Variants in SCAPER observed in about 807,000 individuals in gnomAD.
The protein encoded by SCAPER is S-phase cyclin A associated protein in the ER.
In SCAPER, 98 loss-of-function variants were observed where a neutral mutation model predicts 182.2. The ratio of observed to expected loss-of-function variants is 0.54; its 90% CI spans 0.46 to 0.64. The LOEUF is 0.64. Among genes scored for constraint, SCAPER ranks in the 30% least tolerant of loss-of-function variants. The probability of loss-of-function intolerance (pLI) is 0.00; values close to 1 mark genes in which losing one functional copy is unlikely to be tolerated. For missense variants in SCAPER, 1,432 were observed against 1,690.0 expected, an observed-to-expected ratio of 0.85 and a Z score of 2.68; for synonymous variants, 605 against 564.6, an observed-to-expected ratio of 1.07 and a Z score of -1.01.
intron 5 of SCAPER, among the ~76,000 whole-genome samples, chr15:76,812,223 C>T (rs1247516455): frequency 1.3e-5 from 2 of 151,470 alleles, no homozygotes; most frequent in East Asian, 1.9e-4. Context: ...CTGAGGTGGG[C>T]GAATCATTTG....
intron 23 of SCAPER, among the ~76,000 whole-genome samples, chr15:76,546,425 A>AGCTT (rs2045287079): frequency 6.6e-6 from 1 of 152,122 alleles, no homozygotes; most frequent in Non-Finnish European, 1.5e-5. Context: ...CCTAGGCTCA[A>AGCTT]GGAATCCTCC....
chr15:76,604,613 G>C (rs1336283064), intron 22 of SCAPER, among the ~76,000 whole-genome samples: 1 of 149,798 alleles, frequency 6.7e-6, no homozygotes, highest in East Asian at 2.0e-4. Context: ...AAATTACCTT[G>C]GGCAGTATGG....
At chr15:76,386,733 A>G (rs2043317537) in intron 27 of SCAPER, among the ~76,000 whole-genome samples, 1 of 152,204 alleles carries the variant, frequency 6.6e-6, no homozygotes, top group Non-Finnish European at 1.5e-5. Context: ...AGCGTGCATG[A>G]CAAGTTCAAC....
At chr15:76,498,163 A>G (rs1448823683) in intron 24 of SCAPER, among the ~76,000 whole-genome samples, 10 of 152,132 alleles carry the variant, frequency 6.6e-5, no homozygotes, top group Admixed American at 6.5e-4. Flanking sequence ...TACTACTACT[A>G]ATATTTAGAG....
intron 20 of SCAPER, among the ~76,000 whole-genome samples, chr15:76,666,244 A>G (rs545522817): frequency 8.5e-5 from 13 of 152,184 alleles, no homozygotes; most frequent in Non-Finnish European, 1.8e-4. Context: ...TAAAATGTGA[A>G]CATACGGATA....
At chr15:76,874,717 G>A (rs1333737789) in intron 2 of SCAPER, among the ~76,000 whole-genome samples, 1 of 152,196 alleles carries the variant, frequency 6.6e-6, no homozygotes, top group Non-Finnish European at 1.5e-5. Flanking sequence ...AGCACTTGGG[G>A]AGGCCAAGGC....
chr15:76,519,932 T>C (rs1252500076), intron 23 of SCAPER, among the ~76,000 whole-genome samples: 4 of 152,234 alleles, frequency 2.6e-5, no homozygotes, highest in African/African-American at 4.8e-5. Flanking sequence ...ATACTCATAA[T>C]AGTATACCCT....
At chr15:76,449,617 G>A (rs1195121002) in intron 25 of SCAPER, among the ~76,000 whole-genome samples, 3 of 152,184 alleles carry the variant, frequency 2.0e-5, no homozygotes, top group African/African-American at 7.2e-5. Context: ...TCTATGACAA[G>A]TGGGTACAAG....
intron 27 of SCAPER, among the ~76,000 whole-genome samples, chr15:76,393,236 G>C (rs571304814): frequency 6.6e-6 from 1 of 152,320 alleles, no homozygotes; most frequent in South Asian, 2.1e-4. Flanking sequence ...TATTAGTCTA[G>C]TGGCTGTTTT....
rs546695404 is a variant in SCAPER, at chr15:76,401,480, C to T, written c.3467+3044G>A. On this transcript the variant is annotated intron_variant, in intron 27 of 31. Coordinates refer to ENST00000563290, the MANE Select transcript of SCAPER (RefSeq NM_020843.4). ...TAATCCTTCTGCCTCTAGGCTTGTG[C>T]CATTCCAGTCATCTCTGTGCTTCTT... is the stretch of plus-strand genomic sequence containing the variant. Among the ~76,000 whole-genome samples, 172 of 152,300 alleles carry T rather than the reference C, an allele frequency of 1.1e-3. 2 individuals are homozygous for T. The highest frequency in any genetic ancestry group is 2.1e-3 in the Non-Finnish European group (145 of 68,028).
At chr15:76,370,756 A>AG (rs948538384) in intron 29 of SCAPER, among the ~76,000 whole-genome samples, 3 of 152,198 alleles carry the variant, frequency 2.0e-5, no homozygotes, top group Non-Finnish European at 4.4e-5. Context: ...CTAATGGCAG[A>AG]GCTGGGGCTA....
At chr15:76,670,268 A>G (rs2056917717) in intron 20 of SCAPER, among the ~76,000 whole-genome samples, 1 of 151,956 alleles carries the variant, frequency 6.6e-6, no homozygotes, top group South Asian at 2.1e-4. Context: ...CTTTGCACAT[A>G]TAGTTTTTTA....
chr15:76,708,095 T>C (rs1482452044), intron 17 of SCAPER, among the ~76,000 whole-genome samples: 1 of 152,178 alleles, frequency 6.6e-6, no homozygotes, highest in Non-Finnish European at 1.5e-5. Flanking sequence ...TCTGAGGATG[T>C]TCAAATCCCT....
At chr15:76,847,679 G>T (rs1449881082) in intron 4 of SCAPER, among the ~76,000 whole-genome samples, 1 of 152,126 alleles carries the variant, frequency 6.6e-6, no homozygotes, top group African/African-American at 2.4e-5. Flanking sequence ...TCAGCACTTT[G>T]GGGGACCAAG....
At chr15:76,729,295 T>TACACACACAC (rs57440824) in intron 16 of SCAPER, among the ~76,000 whole-genome samples, 1,538 of 144,258 alleles carry the variant, frequency 0.011, 26 homozygotes, top group African/African-American at 0.036. Flanking sequence ...TATATACACA[T>TACACACACAC]ACACACACAC....
In SCAPER at chr15:76,708,462, G is replaced by C. The variant is rs184381365; in HGVS notation, c.2166-2478C>G. Among the ~76,000 whole-genome samples, 528 of 150,300 alleles carry C rather than the reference G, an allele frequency of 3.5e-3. 5 individuals carry two copies. Among genetic ancestry groups the C allele is most frequent in the African/African-American group, 0.012 (490 of 40,980 alleles). ...TATATTAGAAATGCAGGGAGGGTGGGGCAGGAAAAAAAAAGAAAAAACAAA... is the reference window on the plus strand; with the variant it reads ...TATATTAGAAATGCAGGGAGGGTGGCGCAGGAAAAAAAAAGAAAAAACAAA... On this transcript the variant is annotated intron_variant, in intron 17 of 31. Transcript: ENST00000563290.
At chr15:76,619,701 T>G (rs2051841872) in intron 22 of SCAPER, among the ~76,000 whole-genome samples, 1 of 152,180 alleles carries the variant, frequency 6.6e-6, no homozygotes, top group Non-Finnish European at 1.5e-5. Flanking sequence ...AACTTGTCAT[T>G]TAGCATTAGG....
intron 2 of SCAPER, among the ~76,000 whole-genome samples, chr15:76,863,778 A>G (rs994756638): frequency 6.6e-6 from 1 of 152,196 alleles, no homozygotes; most frequent in Non-Finnish European, 1.5e-5. Flanking sequence ...CAGAAGGGAC[A>G]CTGCATAACT....
chr15:76,692,187 T>A (rs2058398159), intron 20 of SCAPER, among the ~76,000 whole-genome samples: 1 of 152,214 alleles, frequency 6.6e-6, no homozygotes, highest in Non-Finnish European at 1.5e-5. Flanking sequence ...TAAATGTTCC[T>A]TATACCTTAA....
Sources: allele counts gnomAD v4.1 joint callset (sites outside exome capture counted in the v4.1 genomes callset), GRCh38; gene constraint gnomAD v4.1.1; transcripts MANE v1.5; gene names NCBI Gene and HGNC (gene_info 2026-07-23, HGNC 2026-07-21).